The following WRN variants were observed in gnomAD, a reference collection of about 807,000 sequenced individuals.
WRN encodes WRN RecQ like helicase.
In WRN, 149 loss-of-function variants were observed where a neutral mutation model predicts 180.7. The ratio of observed to expected loss-of-function variants is 0.82; its 90% CI spans 0.72 to 0.94. The LOEUF is 0.94. WRN is among the 40% of genes least tolerant of loss of function. The pLI is 0.00. For missense variants in WRN, 1,661 were observed against 1,700.1 expected (o/e 0.98, Z 0.40); for synonymous variants, 548 against 568.9 (o/e 0.96, Z 0.52).
In WRN at chr8:31,065,003, A is replaced by G. The variant is rs925567153; in HGVS notation, c.444A>G (p.Leu148=). Residue 148 remains leucine (L), a synonymous_variant, in exon 5 of 35, where the codon CTA becomes CTG. Coordinates refer to ENST00000298139, the MANE Select transcript of WRN (RefSeq NM_000553.6). ...TTGAAGGAGATCAGTGGAAACTTCT[A>G]CGTGACTTTGATATCAAATTGAAGA... ...VGIEGDQWKL[L]RDFDIKLKNF... The G allele has an allele frequency of 6.2e-6, 10 of 1,613,612 alleles. No homozygotes were observed. The highest frequency in any genetic ancestry group is 1.1e-5 in the South Asian group (1 of 91,050).
intron 11 of WRN, among the ~76,000 whole-genome samples, chr8:31,086,497 A>G (rs1813535222): frequency 6.6e-6 from 1 of 151,730 alleles, no homozygotes; most frequent in Middle Eastern, 3.2e-3. Context: ...TCACCTGGGG[A>G]GCCTGGGGAG....
intron 34 of WRN, among the ~76,000 whole-genome samples, chr8:31,172,037 GATAAC>G: frequency 6.6e-6 from 1 of 152,122 alleles, no homozygotes; most frequent in African/African-American, 2.4e-5. Flanking sequence ...AGTACTCTGA[GATAAC>G]ATAAGTGTAT....
intron 3 of WRN, among the ~76,000 whole-genome samples, chr8:31,060,463 C>T (rs986379754): frequency 2.0e-5 from 3 of 151,690 alleles, no homozygotes; most frequent in African/African-American, 7.3e-5. Flanking sequence ...GTTTTGGGCC[C>T]GAGAGGTTGA....
intron 18 of WRN, among the ~76,000 whole-genome samples, 166 bp downstream of exon 18, chr8:31,101,121 T>C (rs1814212516): frequency 6.6e-6 from 1 of 152,224 alleles, no homozygotes; most frequent in South Asian, 2.1e-4. Flanking sequence ...TATAATCTAT[T>C]GAGGAATATA....
chr8:31,052,296 A>G (rs1812105423), intron 1 of WRN, among the ~76,000 whole-genome samples: 1 of 152,226 alleles, frequency 6.6e-6, no homozygotes, highest in South Asian at 2.1e-4. Context: ...AATATGAAAA[A>G]CCATTTGCAA....
chr8:31,090,508 GATA>G lies in WRN; in HGVS notation c.1699_1701del (p.Asn567del), dbSNP rs2130171395. 1.2e-6 allele frequency: 2 copies of G among 1,612,194 alleles called. No individual in the cohort carries two copies. Among genetic ancestry groups the G allele is most frequent in the Non-Finnish European group, 1.7e-6 (2 of 1,178,770 alleles). On this transcript the variant is annotated inframe_deletion, in exon 14 of 35. Transcript: ENST00000298139. ...TCATTCAGTATTAGAAGAAAGAAGA[GATA>G]ATGTTGCTGTCATGGCAACTGGTAA... is the stretch of plus-strand genomic sequence containing the variant.
chr8:31,061,359 C>G (rs1429915401), intron 3 of WRN, among the ~76,000 whole-genome samples: 1 of 151,818 alleles, frequency 6.6e-6, no homozygotes, highest in Non-Finnish European at 1.5e-5. Flanking sequence ...TTTTGGCTCT[C>G]ATTATTCATG....
chr8:31,058,540 A>C lies in WRN; in HGVS notation c.93A>C (p.Arg31Ser), dbSNP rs1296225830. Residue 31 changes from arginine (R) to serine (S), a missense_variant, in exon 2 of 35, where the codon AGA (arginine) becomes AGC (serine). Arg to Ser is a moderately radical substitution (Grantham distance 110). This residue lies in a region of WRN where 500 missense variants were observed against 504.1 expected (regional missense o/e 0.99). Coordinates refer to ENST00000298139, the MANE Select transcript of WRN (RefSeq NM_000553.6). ...ATAAAAGATGTGCTGTAGAAGAAAG[A>C]AAGGTATGTTGTTCATTGACTATTC... is the stretch of plus-strand genomic sequence containing the variant. ...VQNKRCAVEE[R>S]KACVRKSVFE... The C allele has an allele frequency of 6.2e-7, 1 of 1,613,476 alleles. No homozygotes were observed. Among genetic ancestry groups the C allele is most frequent in the Non-Finnish European group, 8.5e-7 (1 of 1,179,682 alleles).
At chr8:31,147,207 C>A in intron 29 of WRN, 79 bp downstream of exon 29, 1 of 1,526,992 alleles carries the variant, frequency 6.5e-7, no homozygotes, top group Non-Finnish European at 9.1e-7. Flanking sequence ...CTGTATTTTG[C>A]CAGCATTTTA....
intron 1 of WRN, among the ~76,000 whole-genome samples, chr8:31,056,688 A>G (rs955895741): frequency 6.6e-6 from 1 of 152,236 alleles, no homozygotes. Flanking sequence ...AGTATGTGCA[A>G]AAACATTGCA....
intron 1 of WRN, among the ~76,000 whole-genome samples, chr8:31,053,718 C>A (rs1812161905): frequency 6.6e-6 from 1 of 152,102 alleles, no homozygotes; most frequent in African/African-American, 2.4e-5. Context: ...TTTATGGATT[C>A]AGAGCAAAAA....
At chr8:31,098,742 A>G (rs538167370) in intron 17 of WRN, among the ~76,000 whole-genome samples, 1 of 152,204 alleles carries the variant, frequency 6.6e-6, no homozygotes, top group South Asian at 2.1e-4. Context: ...AACAGCAAAC[A>G]TAGTTTTATA....
intron 33 of WRN, among the ~76,000 whole-genome samples, chr8:31,158,352 G>A (rs978119004): frequency 9.2e-5 from 14 of 151,988 alleles, no homozygotes; most frequent in African/African-American, 2.2e-4. Flanking sequence ...ACCTCAGCTC[G>A]CGGAGAGCAA....
chr8:31,091,974 T>A, intron 16 of WRN, 76 bp downstream of exon 16: 1 of 1,316,354 alleles, frequency 7.6e-7, no homozygotes, highest in Non-Finnish European at 1.1e-6. Context: ...GTGGGTGAAT[T>A]ACATGTTGCT....
At chr8:31,059,012 T>C (rs1812382157) in intron 2 of WRN, 141 bp from the exon 3 acceptor site, 1 of 721,482 alleles carries the variant, frequency 1.4e-6, no homozygotes, top group South Asian at 1.6e-5. Flanking sequence ...AAGTTTTCTT[T>C]ATGACTTCAT....
At chr8:31,081,510 T>C (rs1440321058) in intron 9 of WRN, among the ~76,000 whole-genome samples, 2 of 152,224 alleles carry the variant, frequency 1.3e-5, no homozygotes, top group African/African-American at 4.8e-5. Context: ...CAAATACAGA[T>C]AGTGGGCCAC....
At chr8:31,053,671 T>G (rs900752160) in intron 1 of WRN, among the ~76,000 whole-genome samples, 1 of 152,232 alleles carries the variant, frequency 6.6e-6, no homozygotes, top group African/African-American at 2.4e-5. Flanking sequence ...AAAAATGCAG[T>G]GATCATGTGG....
chr8:31,045,943 G>T (rs1157787275), intron 1 of WRN, among the ~76,000 whole-genome samples: 11 of 152,076 alleles, frequency 7.2e-5, no homozygotes, highest in Admixed American at 2.6e-4. Context: ...GTGCCGAAAC[G>T]CAGTGTGTCT....
At chr8:31,097,833 A>G (rs1407964703) in intron 17 of WRN, among the ~76,000 whole-genome samples, 1 of 152,086 alleles carries the variant, frequency 6.6e-6, no homozygotes, top group African/African-American at 2.4e-5. Flanking sequence ...AAGAATTGCA[A>G]TCATGGCTTC....
Sources: allele counts gnomAD v4.1 joint callset (sites outside exome capture counted in the v4.1 genomes callset), GRCh38; gene constraint gnomAD v4.1.1; regional missense constraint gnomAD v4.1.1; transcripts MANE v1.5; gene names NCBI Gene and HGNC (gene_info 2026-07-23, HGNC 2026-07-21).